The following OPRM1 variants were observed in gnomAD, a reference collection of about 807,000 sequenced individuals.
OPRM1 encodes the protein opioid receptor mu 1.
A neutral mutation model predicts 31.8 loss-of-function variants in OPRM1; 27 were observed. The observed-to-expected ratio is 0.85, with a 90% CI of 0.63 to 1.17. The LOEUF is 1.17. Ranked by LOEUF, OPRM1 falls within the 50% of genes most tolerant of loss-of-function variation. OPRM1 has a pLI of 0.00. For missense variants in OPRM1, 536 were observed against 511.1 expected, an observed-to-expected ratio of 1.05 and a Z score of -0.47; for synonymous variants, 196 against 189.9, an observed-to-expected ratio of 1.03 and a Z score of -0.26.
At chr6:154,077,493 G>A (rs957278595) in intron 1 of OPRM1, among the ~76,000 whole-genome samples, 4 of 151,648 alleles carry the variant, frequency 2.6e-5, no homozygotes, top group African/African-American at 9.7e-5. Context: ...CACTTTGGGA[G>A]GCTGAGGTGG....
intron 3 of OPRM1, chr6:154,246,622 C>G (rs1470885273): frequency 1.2e-6 from 2 of 1,613,854 alleles, no homozygotes; most frequent in Admixed American, 1.7e-5. Flanking sequence ...CAGTGACGAC[C>G]CCTTCAGTAT....
intron 3 of OPRM1, chr6:154,199,995 A>T: frequency 1.2e-6 from 2 of 1,614,152 alleles, no homozygotes; most frequent in Non-Finnish European, 1.7e-6. Flanking sequence ...AAAGAATACG[A>T]CGTTCCACTC....
At chr6:154,214,072 C>T in intron 3 of OPRM1, 1 of 650,504 alleles carries the variant, frequency 1.5e-6, no homozygotes, top group Non-Finnish European at 2.8e-6. Context: ...ATATGTCTGT[C>T]TCCACATATT....
chr6:154,024,949 A>G (rs1778603958), intron 1 of OPRM1, among the ~76,000 whole-genome samples: 1 of 151,888 alleles, frequency 6.6e-6, no homozygotes, highest in South Asian at 2.1e-4. Context: ...ATTAATGTTT[A>G]TGGTCCATCC....
intron 3 of OPRM1, among the ~76,000 whole-genome samples, chr6:154,152,602 A>T (rs1017898863): frequency 4.0e-5 from 6 of 151,350 alleles, no homozygotes; most frequent in African/African-American, 1.4e-4. Context: ...CCTTTGCTTG[A>T]TGATACTTGA....
At chr6:154,195,390 G>T (rs1024070772) in intron 3 of OPRM1, among the ~76,000 whole-genome samples, 1 of 151,814 alleles carries the variant, frequency 6.6e-6, no homozygotes, top group Non-Finnish European at 1.5e-5. Context: ...CTTGTGATCC[G>T]CCCACCTCGG....
At chr6:154,110,548 A>G in intron 3 of OPRM1, 2 of 628,896 alleles carry the variant, frequency 3.2e-6, no homozygotes, top group Non-Finnish European at 2.9e-6. Flanking sequence ...TGCTTAAGGG[A>G]TCCCTTCACA....
intron 1 of OPRM1, among the ~76,000 whole-genome samples, chr6:154,011,411 A>G (rs1342034268): frequency 6.6e-6 from 1 of 152,214 alleles, no homozygotes; most frequent in East Asian, 1.9e-4. Context: ...AAATCAGCCA[A>G]TAGCAAAGAG....
chr6:154,115,586 TCTCTC>T (rs1044499977), intron 3 of OPRM1, among the ~76,000 whole-genome samples: 1 of 152,076 alleles, frequency 6.6e-6, no homozygotes, highest in African/African-American at 2.4e-5. Flanking sequence ...GACCCTTCCT[TCTCTC>T]CTCTACCTCC....
chr6:154,108,161 A>AT (rs35119352), intron 3 of OPRM1: 3,944 of 430,700 alleles, frequency 9.2e-3, no homozygotes, highest in East Asian at 0.016. Flanking sequence ...CATAAAGGAA[A>AT]TTTTTTTTTT....
intron 1 of OPRM1, among the ~76,000 whole-genome samples, chr6:154,060,967 C>T (rs1784277579): frequency 6.6e-6 from 1 of 152,138 alleles, no homozygotes; most frequent in Non-Finnish European, 1.5e-5. Context: ...AGCAGAAATA[C>T]ACTGGTAATA....
intron 3 of OPRM1, among the ~76,000 whole-genome samples, chr6:154,150,687 T>C (rs949545702): frequency 6.6e-6 from 1 of 152,186 alleles, no homozygotes; most frequent in African/African-American, 2.4e-5. Context: ...TACCCGCACA[T>C]CCCCATTCCA....
chr6:154,058,641 T>A (rs1783803039), intron 1 of OPRM1, among the ~76,000 whole-genome samples: 1 of 152,208 alleles, frequency 6.6e-6, no homozygotes, highest in Non-Finnish European at 1.5e-5. Flanking sequence ...TCCCTAGCAA[T>A]GTGCCTTGGA....
At chr6:154,246,841 G>A (rs553388121) in exon 4 of OPRM1, 58 of 1,415,996 alleles carry the variant, frequency 4.1e-5, no homozygotes, top group Non-Finnish European at 5.2e-5. Flanking sequence ...ATGTGACAGA[G>A]TGAAAGGCAA....
intron 1 of OPRM1, chr6:154,087,789 C>T (rs1790975688): frequency 6.4e-6 from 1 of 155,762 alleles, no homozygotes; most frequent in South Asian, 2.0e-4. Context: ...AACTGAGGTA[C>T]TATTACTAAA....
intron 3 of OPRM1, among the ~76,000 whole-genome samples, chr6:154,234,152 G>A (rs902161303): frequency 6.6e-6 from 1 of 152,144 alleles, no homozygotes; most frequent in African/African-American, 2.4e-5. Context: ...AGGTTGTGGT[G>A]AGCTATGATC....
At chr6:154,198,431 CTTTA>C (rs1423632585) in intron 3 of OPRM1, among the ~76,000 whole-genome samples, 1 of 152,088 alleles carries the variant, frequency 6.6e-6, no homozygotes, top group Non-Finnish European at 1.5e-5. Context: ...GTTTGCCAGA[CTTTA>C]TTTACTCCAG....
At chr6:154,243,656 C>T (rs1780781193) in intron 3 of OPRM1, among the ~76,000 whole-genome samples, 1 of 152,180 alleles carries the variant, frequency 6.6e-6, no homozygotes, top group Non-Finnish European at 1.5e-5. Flanking sequence ...CTCTCAGAAC[C>T]CGTTGAAGGC....
At chr6:154,180,867 A>C (rs1165870666) in intron 3 of OPRM1, among the ~76,000 whole-genome samples, 2 of 152,188 alleles carry the variant, frequency 1.3e-5, no homozygotes, top group Non-Finnish European at 2.9e-5. Flanking sequence ...TTAGTTCCCC[A>C]ACATGCAACA....
Sources: allele counts gnomAD v4.1 joint callset (sites outside exome capture counted in the v4.1 genomes callset), GRCh38; gene constraint gnomAD v4.1.1; transcripts MANE v1.5; gene names NCBI Gene and HGNC (gene_info 2026-07-23, HGNC 2026-07-21).